The following RPRD2 variants were observed in gnomAD, a reference collection of about 807,000 sequenced individuals.
RPRD2 encodes regulation of nuclear pre-mRNA domain containing 2, also known as regulation of nuclear pre-mRNA domain-containing protein 2.
Under a neutral mutation model 104.4 loss-of-function variants are expected in RPRD2, and 12 were observed. That is an observed-to-expected ratio of 0.11 (90% CI 0.07 to 0.19). The LOEUF is 0.19. Among genes scored for constraint, RPRD2 ranks in the 10% least tolerant of loss-of-function variants. RPRD2 has a pLI of 1.00. For synonymous variants in RPRD2, 714 were observed against 684.9 expected, an observed-to-expected ratio of 1.04 and a Z score of -0.66; for missense variants, 1,543 against 1,790.1, an observed-to-expected ratio of 0.86 and a Z score of 2.49.
intron 3 of RPRD2, 110 bp from the exon 4 acceptor site, chr1:150,441,767 GAAAC>G (rs1666419291): frequency 3.5e-6 from 2 of 573,266 alleles, no homozygotes; most frequent in Middle Eastern, 5.5e-4. Flanking sequence ...AGGAAAGAAA[GAAAC>G]AACACACAGT....
chr1:150,422,340 A>AAATAAGAATAATAATAATAATAAT (rs1664817950), intron 2 of RPRD2, among the ~76,000 whole-genome samples: 1 of 128,320 alleles, frequency 7.8e-6, no homozygotes, highest in Non-Finnish European at 1.7e-5. Flanking sequence ...CTCTGTCTCA[A>AAATAAGAATAATAATAATAATAAT]AATAATAATA....
intron 2 of RPRD2, among the ~76,000 whole-genome samples, chr1:150,424,067 C>A (rs1243543835): frequency 1.3e-5 from 2 of 152,082 alleles, no homozygotes; most frequent in Non-Finnish European, 2.9e-5. Flanking sequence ...GCTGGGATTA[C>A]AGGTGTGAGC....
intron 1 of RPRD2, 99 bp downstream of exon 1, chr1:150,365,018 T>C (rs955257681): frequency 3.9e-6 from 5 of 1,267,304 alleles, no homozygotes; most frequent in Non-Finnish European, 5.5e-6. Context: ...CAGCATTTGG[T>C]TGGGGTTGTT....
intron 7 of RPRD2, among the ~76,000 whole-genome samples, chr1:150,447,711 C>CTT (rs1553895811): frequency 1.3e-5 from 2 of 152,172 alleles, no homozygotes; most frequent in African/African-American, 4.8e-5. Flanking sequence ...CTGAAAGAAA[C>CTT]TAACTGTTCC....
Position 150,474,515 on chromosome 1 carries a change from T to C in RPRD2, c.*1181T>C, listed in dbSNP as rs1668792052. Reference sequence around the variant, plus strand: ...CCCACCTCTCGCTCCCAATAGGAAATAAAGACCATTTCTGCCCTTAGTTGT... The same window carrying C: ...CCCACCTCTCGCTCCCAATAGGAAACAAAGACCATTTCTGCCCTTAGTTGT... On this transcript the variant is annotated 3_prime_UTR_variant, in exon 11 of 11. Coordinates refer to ENST00000369068, the MANE Select transcript of RPRD2 (RefSeq NM_015203.5). The C allele has an allele frequency of 6.6e-6, 1 of 152,152 alleles. No individual in the cohort carries two copies. Among genetic ancestry groups the C allele is most frequent in the East Asian group, 1.9e-4 (1 of 5,204 alleles). The allele number at this position is 152,152 out of a possible 1,614,324, so 9.4% of individuals were successfully genotyped here.
chr1:150,444,418 C>A (rs782564576), intron 6 of RPRD2, 41 bp downstream of exon 6: 50 of 1,590,908 alleles, frequency 3.1e-5, no homozygotes, highest in Non-Finnish European at 4.1e-5. Flanking sequence ...GATTTTCTTT[C>A]CATATGTGTC....
intron 2 of RPRD2, among the ~76,000 whole-genome samples, chr1:150,435,102 T>C (rs1268699237): frequency 6.6e-6 from 1 of 152,250 alleles, no homozygotes; most frequent in African/African-American, 2.4e-5. Flanking sequence ...GTATCTGTTA[T>C]GGTGATCTGT....
chr1:150,459,407 T>C (rs1667767941), intron 8 of RPRD2, among the ~76,000 whole-genome samples: 1 of 152,162 alleles, frequency 6.6e-6, no homozygotes. Context: ...TAGAAAGTTC[T>C]CAGGTTAATG....
chr1:150,420,167 A>G (rs587605203), intron 2 of RPRD2, among the ~76,000 whole-genome samples: 86 of 152,310 alleles, frequency 5.6e-4, no homozygotes, highest in Non-Finnish European at 1.0e-3. Context: ...ATATCACTGT[A>G]GTATCTATAA....
In RPRD2 at chr1:150,472,280, T is replaced by C; in HGVS notation, c.3332T>C (p.Val1111Ala). The change falls in exon 11 of 11, where the codon GTT becomes GCT. Residue 1111 changes from valine to alanine, a missense_variant. Val to Ala is a moderately conservative substitution (Grantham distance 64, BLOSUM62 0). Around this residue, in one of 4 missense-constraint regions of RPRD2, gnomAD observed 880 missense variants for 885.6 expected, o/e 0.99. Transcript: ENST00000369068. ...ATCCAGACCGTAGAGTCCATCCGAG[T>C]TCCTGGGAAGGGAAATAGAGGACAT... ...EPIQTVESIR[V>A]PGKGNRGHGR... The C allele has an allele frequency of 1.2e-6, 2 of 1,613,640 alleles. No homozygotes were observed. The highest frequency in any genetic ancestry group is 1.7e-6 in the Non-Finnish European group (2 of 1,179,792).
intron 1 of RPRD2, among the ~76,000 whole-genome samples, chr1:150,387,567 C>A (rs2487761): frequency 2.7e-5 from 2 of 73,744 alleles, no homozygotes; most frequent in African/African-American, 1.2e-4. Context: ...TGCAACAGAC[C>A]TTTTTTTTTT....
chr1:150,456,409 A>G (rs1418100922), intron 7 of RPRD2, among the ~76,000 whole-genome samples: 1 of 152,172 alleles, frequency 6.6e-6, no homozygotes, highest in Non-Finnish European at 1.5e-5. Flanking sequence ...CATGCTTGAC[A>G]GATGATATAT....
intron 1 of RPRD2, among the ~76,000 whole-genome samples, chr1:150,406,062 G>A (rs1366793870): frequency 2.6e-5 from 4 of 152,154 alleles, no homozygotes; most frequent in Non-Finnish European, 4.4e-5. Context: ...TAAGATCTGT[G>A]ATAAGAATGA....
intron 7 of RPRD2, among the ~76,000 whole-genome samples, chr1:150,451,866 T>A (rs1475449261): frequency 1.3e-5 from 2 of 149,390 alleles, no homozygotes; most frequent in African/African-American, 4.9e-5. Flanking sequence ...ACTGGCTGGG[T>A]GCAATGGCTC....
chr1:150,461,750 G>C (rs1415683599), intron 9 of RPRD2, among the ~76,000 whole-genome samples: 1 of 152,122 alleles, frequency 6.6e-6, no homozygotes, highest in Non-Finnish European at 1.5e-5. Context: ...GGAGGCCGAG[G>C]CGGGTGGATC....
intron 2 of RPRD2, among the ~76,000 whole-genome samples, chr1:150,427,990 GAC>G (rs1230293420): frequency 6.6e-6 from 1 of 151,882 alleles, no homozygotes; most frequent in Non-Finnish European, 1.5e-5. Context: ...AGGCTCTTAA[GAC>G]ACAAAAAACT....
chr1:150,470,230 C>T (rs989473380), intron 10 of RPRD2, among the ~76,000 whole-genome samples: 2 of 151,946 alleles, frequency 1.3e-5, no homozygotes, highest in African/African-American at 2.4e-5. Flanking sequence ...AATAACTTTG[C>T]CTCCTTTCTT....
rs56743462 is a variant in RPRD2 at position 150,373,533 on chromosome 1, C to CTTT, written c.205+8633_205+8635dup. 7.2e-5 allele frequency among the ~76,000 whole-genome samples: 7 copies of CTTT among 97,418 alleles called. 1 individual carries two copies. Among genetic ancestry groups the CTTT allele is most frequent in the African/African-American group, 1.5e-4 (4 of 26,100 alleles). The allele number at this position is 97,418 out of a possible 152,430, so 63.9% of individuals were successfully genotyped here. A position where few individuals can be genotyped will look rare whatever the true frequency, so the allele number is the denominator to read the frequency against. On this transcript the variant is annotated intron_variant, in intron 1 of 10. Transcript: ENST00000369068. ...AGAGGAGGAGAATAATCAAGAATGACTTTTTTTTTTTTTTTTTTTTTAGCT... is the reference window on the plus strand; with the variant it reads ...AGAGGAGGAGAATAATCAAGAATGACTTTTTTTTTTTTTTTTTTTTTTTTAGCT...
chr1:150,443,358 A>G (rs1270343740), intron 5 of RPRD2, 75 bp downstream of exon 5: 15 of 1,057,840 alleles, frequency 1.4e-5, no homozygotes, highest in Admixed American at 2.2e-5. Context: ...GTATAGTCCA[A>G]TAAGATTTAT....
Sources: gnomAD v4.1 joint callset for allele counts (sites outside exome capture counted in the v4.1 genomes callset) on GRCh38, gnomAD v4.1.1 for gene constraint, gnomAD v4.1.1 regional missense constraint, MANE v1.5 for transcripts, NCBI Gene and HGNC (gene_info 2026-07-23, HGNC 2026-07-21) for gene names.